CFAP47: variants seen among roughly 807,000 people sequenced by gnomAD.
CFAP47 encodes the protein cilia and flagella associated protein 47.
CFAP47 carries 29 observed loss-of-function variants against 148.1 expected under a neutral mutation model. The observed-to-expected ratio is 0.20, with a 90% confidence interval of 0.15 to 0.27. The LOEUF is 0.27. Among genes scored for constraint, CFAP47 ranks in the 10% least tolerant of loss-of-function variants. CFAP47 has a pLI of 1.00. For missense variants in CFAP47, 1,872 were observed against 1,697.5 expected (o/e 1.10, Z -1.81); for synonymous variants, 664 against 577.3 (o/e 1.15, Z -2.15).
intron 3 of CFAP47, among the ~76,000 whole-genome samples, chrX:35,942,964 A>G (rs1936032053): frequency 9.0e-6 from 1 of 111,709 alleles, no homozygotes; most frequent in African/African-American, 3.2e-5. Context: ...GTTAATGGCT[A>G]TTACCTTACA....
At chrX:36,199,914 C>A (rs1939961053) in intron 42 of CFAP47, among the ~76,000 whole-genome samples, 1 of 111,564 alleles carries the variant, frequency 9.0e-6, no homozygotes, top group Non-Finnish European at 1.9e-5. Context: ...TTTTCTACTT[C>A]TGGTCTAATT....
chrX:36,304,252 C>T (rs1941327269), intron 54 of CFAP47, among the ~76,000 whole-genome samples: 2 of 109,673 alleles, frequency 1.8e-5, no homozygotes, highest in South Asian at 3.9e-4. Context: ...CGTGGTGTCA[C>T]GTGCCTGAAA....
intron 25 of CFAP47, among the ~76,000 whole-genome samples, chrX:36,045,435 ACCTGAAG>A (rs1937453948): frequency 9.0e-6 from 1 of 111,170 alleles, no homozygotes; most frequent in Non-Finnish European, 1.9e-5. Flanking sequence ...GCTGAATCTC[ACCTGAAG>A]CCAGCAAGTC....
rs746754951 is a variant in CFAP47 at position 35,956,108 on chromosome X, A to G, written c.1322A>G (p.Glu441Gly). 2.8e-5 allele frequency: 34 copies of G among 1,211,412 alleles called. No homozygotes were observed. The Middle Eastern group carries it at 6.9e-4, about 25-fold the overall frequency. The change falls in exon 8 of 64, where the codon GAA (glutamate) becomes GGA (glycine). Residue 441 changes from glutamate to glycine, a missense_variant. By Grantham distance (98) the Glu-to-Gly change is moderately conservative. Coordinates refer to ENST00000378653, the MANE Select transcript of CFAP47 (RefSeq NM_001304548.2). ...CAGTGCATCATAAAAAATCAATGCGAATTACTTCCTGTGACGTACCACTTT... is the reference window on the plus strand; with the variant it reads ...CAGTGCATCATAAAAAATCAATGCGGATTACTTCCTGTGACGTACCACTTT... Reference protein sequence around the residue: ...EIQCIIKNQCELLPVTYHFKK... With the variant: ...EIQCIIKNQCGLLPVTYHFKK...
intron 8 of CFAP47, among the ~76,000 whole-genome samples, chrX:35,964,240 T>A (rs967235818): frequency 1.8e-5 from 2 of 111,832 alleles, no homozygotes; most frequent in Admixed American, 1.9e-4. Flanking sequence ...AGTTATAGAA[T>A]TTTGCATGTA....
intron 37 of CFAP47, among the ~76,000 whole-genome samples, chrX:36,155,007 G>A (rs1463266132): frequency 9.0e-6 from 1 of 110,906 alleles, no homozygotes; most frequent in Non-Finnish European, 1.9e-5. Context: ...ATTTCTCACA[G>A]TTCTAGAGTC....
rs1305993913 is a variant in CFAP47 at position 36,046,935 on chromosome X, A to G, written c.4089A>G (p.Pro1363=). Residue 1363 remains proline (P), a synonymous_variant, in exon 26 of 64, where the codon CCA becomes CCG. Coordinates refer to ENST00000378653, the MANE Select transcript of CFAP47 (RefSeq NM_001304548.2). The stretch of plus-strand genomic sequence containing the variant: ...TTCACCCTCTTTCTGTGAAATTTCC[A>G]AAAGGCAGAGTCATCCCAGGCTCTC... The part of the protein sequence containing the change: ...EEIHPLSVKF[P]KGRVIPGSHS... The G allele has an allele frequency of 1.7e-6, 2 of 1,164,735 alleles. No homozygotes were observed. Among genetic ancestry groups the G allele is most frequent in the Non-Finnish European group, 2.3e-6 (2 of 871,199 alleles).
intron 16 of CFAP47, among the ~76,000 whole-genome samples, chrX:35,991,458 C>T (rs1006157712): frequency 9.1e-6 from 1 of 110,136 alleles, no homozygotes; most frequent in Non-Finnish European, 1.9e-5. Flanking sequence ...TTCTAAATAT[C>T]TAAATATTTA....
intron 21 of CFAP47, among the ~76,000 whole-genome samples, chrX:36,002,254 T>C (rs1936923938): frequency 9.0e-6 from 1 of 111,309 alleles, no homozygotes; most frequent in Admixed American, 9.6e-5. Flanking sequence ...AGGCTTTTGC[T>C]TCACAGATTC....
chrX:36,095,168 G>GT (rs1172661877), intron 30 of CFAP47, among the ~76,000 whole-genome samples: 1 of 111,375 alleles, frequency 9.0e-6, no homozygotes, highest in Non-Finnish European at 1.9e-5. Context: ...TTGATGATGT[G>GT]TTCTACTTGA....
chrX:35,938,102 A>C (rs1409923507), intron 2 of CFAP47, among the ~76,000 whole-genome samples: 1 of 111,902 alleles, frequency 8.9e-6, no homozygotes, highest in Non-Finnish European at 1.9e-5. Context: ...ACGATTTAAA[A>C]ATAAAATACT....
At chrX:35,969,499 A>T (rs1258843114) in intron 10 of CFAP47, among the ~76,000 whole-genome samples, 1 of 111,549 alleles carries the variant, frequency 9.0e-6, no homozygotes, top group Non-Finnish European at 1.9e-5. Context: ...TGCATATTTT[A>T]AAAAACTTAT....
chrX:36,189,439 A>T (rs1555986178), intron 41 of CFAP47, among the ~76,000 whole-genome samples: 1 of 111,227 alleles, frequency 9.0e-6, no homozygotes, highest in East Asian at 2.8e-4. Context: ...AGGTGAACCA[A>T]AAAAGAAAGA....
chrX:36,031,024 T>C (rs1937272819), intron 22 of CFAP47, among the ~76,000 whole-genome samples: 1 of 110,824 alleles, frequency 9.0e-6, no homozygotes, highest in Non-Finnish European at 1.9e-5. Context: ...ATTTTACTTA[T>C]AATTCATTAC....
intron 53 of CFAP47, 94 bp downstream of exon 53, chrX:36,301,273 G>C (rs1408215285): frequency 4.1e-6 from 2 of 487,926 alleles, no homozygotes; most frequent in East Asian, 8.5e-5. Flanking sequence ...CTAAAATAAA[G>C]AATAAATATA....
chrX:36,280,323 T>A (rs1452078822), intron 49 of CFAP47, among the ~76,000 whole-genome samples, 164 bp from the exon 50 acceptor site: 1 of 111,691 alleles, frequency 9.0e-6, no homozygotes, highest in Non-Finnish European at 1.9e-5. Context: ...CCTTAAAATG[T>A]TCTGAATAGG....
At chrX:36,145,872 A>G (rs1355069702) in intron 36 of CFAP47, among the ~76,000 whole-genome samples, 1 of 102,865 alleles carries the variant, frequency 9.7e-6, no homozygotes. Context: ...TTAGTTAAAA[A>G]TTGAAGAAAA....
At position 35,971,385 on chromosome X, in the gene CFAP47, G is replaced by A. The variant is rs10218242; in HGVS notation, c.1971-201G>A. ...CTGTCCTTGGGTGTGGCAGGCATGA[G>A]CATAATTTCCTCGATGAGATGTTTG... On this transcript the variant is annotated intron_variant, in intron 11 of 63. Transcript: ENST00000378653. 8.1e-5 allele frequency among the ~76,000 whole-genome samples: 9 copies of A among 111,788 alleles called. No individual in the cohort carries two copies. The South Asian group carries it at 3.0e-3, about 37-fold the overall frequency.
intron 13 of CFAP47, 144 bp downstream of exon 13, chrX:35,972,109 T>A: frequency 2.3e-6 from 1 of 433,922 alleles, no homozygotes; most frequent in Non-Finnish European, 4.0e-6. Context: ...GTCATAGTTA[T>A]TAAGTATGAC....
Sources: allele counts gnomAD v4.1 joint callset (sites outside exome capture counted in the v4.1 genomes callset), GRCh38; gene constraint gnomAD v4.1.1; transcripts MANE v1.5; gene names NCBI Gene and HGNC (gene_info 2026-07-23, HGNC 2026-07-21).